Variants in PLD5 observed in about 807,000 individuals in gnomAD.
PLD5 encodes the protein phospholipase D family member 5.
In PLD5, 36 loss-of-function variants were observed where a neutral mutation model predicts 61.1. The ratio of observed to expected loss-of-function variants is 0.59; its 90% confidence interval spans 0.45 to 0.78. The LOEUF (loss-of-function observed/expected upper bound fraction) is 0.78, where lower values mean the gene tolerates loss of function less well. PLD5 is among the 30% of genes least tolerant of loss of function. PLD5 has a pLI of 0.00. For synonymous variants in PLD5, 243 were observed against 242.8 expected (o/e 1.00, Z -0.01); for missense variants, 515 against 644.4 (o/e 0.80, Z 2.17).
chr1:242,448,541 GC>G (rs1266958568), intron 1 of PLD5, among the ~76,000 whole-genome samples: 1 of 152,036 alleles, frequency 6.6e-6, no homozygotes, highest in Non-Finnish European at 1.5e-5. Flanking sequence ...ATGTTTAGTG[GC>G]CCCATTGTTG....
intron 1 of PLD5, among the ~76,000 whole-genome samples, chr1:242,419,151 C>T (rs887125085): frequency 5.3e-5 from 8 of 152,198 alleles, no homozygotes; most frequent in South Asian, 2.1e-4. Flanking sequence ...TAGACCCTCA[C>T]GCCTCCAGGC....
intron 1 of PLD5, among the ~76,000 whole-genome samples, chr1:242,516,586 C>T (rs1194739844): frequency 4.6e-5 from 7 of 152,118 alleles, no homozygotes; most frequent in Admixed American, 6.5e-5. Flanking sequence ...AAAAGATTAT[C>T]TCTTTCCCAC....
chr1:242,288,629 T>A (rs1312691027), intron 2 of PLD5, 99 bp from the exon 3 acceptor site: 1 of 1,446,748 alleles, frequency 6.9e-7, no homozygotes, highest in African/African-American at 1.4e-5. Flanking sequence ...AAAATATTCT[T>A]TACTCATTCT....
intron 6 of PLD5, among the ~76,000 whole-genome samples, chr1:242,117,712 G>C (rs756067069): frequency 6.6e-6 from 1 of 152,064 alleles, no homozygotes; most frequent in Non-Finnish European, 1.5e-5. Context: ...ATCAAAGGTT[G>C]CTTTTCCCAA....
intron 1 of PLD5, among the ~76,000 whole-genome samples, chr1:242,403,964 C>T (rs1424309505): frequency 6.6e-6 from 1 of 152,136 alleles, no homozygotes; most frequent in Non-Finnish European, 1.5e-5. Flanking sequence ...ATCTAGCATC[C>T]CCCACCTCAC....
chr1:242,351,881 T>C (rs1660497364), intron 1 of PLD5, among the ~76,000 whole-genome samples: 1 of 152,204 alleles, frequency 6.6e-6, no homozygotes, highest in Non-Finnish European at 1.5e-5. Flanking sequence ...GCAGAATAGA[T>C]TGTGTATTCG....
chr1:242,176,387 A>G (rs539180951), intron 5 of PLD5, among the ~76,000 whole-genome samples: 9 of 152,320 alleles, frequency 5.9e-5, no homozygotes, highest in African/African-American at 2.2e-4. Flanking sequence ...AGCCATATGC[A>G]GAAAACTGAC....
chr1:242,264,511 C>T (rs1322805606), intron 4 of PLD5, among the ~76,000 whole-genome samples: 2 of 152,100 alleles, frequency 1.3e-5, no homozygotes, highest in African/African-American at 4.8e-5. Flanking sequence ...GGAATTGCCA[C>T]TTAAAAATGT....
At chr1:242,297,397 T>C (rs1675736894) in intron 2 of PLD5, among the ~76,000 whole-genome samples, 1 of 90,796 alleles carries the variant, frequency 1.1e-5, no homozygotes. Flanking sequence ...CTATCACCCT[T>C]CAAGACTTTT....
intron 1 of PLD5, among the ~76,000 whole-genome samples, chr1:242,497,031 A>C (rs984416937): frequency 2.0e-5 from 3 of 152,212 alleles, no homozygotes; most frequent in Non-Finnish European, 4.4e-5. Flanking sequence ...CCAAGCAGAC[A>C]GTTGGAAGGG....
intron 4 of PLD5, among the ~76,000 whole-genome samples, chr1:242,257,081 T>TATCA (rs1553337416): frequency 6.6e-6 from 1 of 150,640 alleles, no homozygotes; most frequent in Non-Finnish European, 1.5e-5. Flanking sequence ...TCTATCTATC[T>TATCA]ATCATTTATC....
intron 1 of PLD5, among the ~76,000 whole-genome samples, chr1:242,462,099 G>C (rs4609411): frequency 0.45 from 68,106 of 151,926 alleles, 17,191 homozygotes; most frequent in African/African-American, 0.69. Flanking sequence ...GTCCATTTTT[G>C]TTTTTGTTGC....
chr1:242,095,151 G>T (rs1574282175), intron 9 of PLD5, among the ~76,000 whole-genome samples: 1 of 151,764 alleles, frequency 6.6e-6, no homozygotes, highest in African/African-American at 2.4e-5. Flanking sequence ...TTACCAGGAT[G>T]GTCTCTATCT....
chr1:242,092,246 C>G (rs1659891015), intron 9 of PLD5, among the ~76,000 whole-genome samples: 1 of 152,088 alleles, frequency 6.6e-6, no homozygotes, highest in Non-Finnish European at 1.5e-5. Context: ...CCCACCTCAG[C>G]CTCCTAAGTA....
intron 2 of PLD5, among the ~76,000 whole-genome samples, chr1:242,331,497 G>A (rs925184993): frequency 1.3e-5 from 2 of 149,888 alleles, no homozygotes; most frequent in African/African-American, 4.9e-5. Context: ...TCATGGAAAT[G>A]CCAAAAAATA....
rs71176734 is a variant in PLD5 at position 242,256,908 on chromosome 1, CATCTATCTATCTATCT to C, written c.607+8413_607+8428del. Among the ~76,000 whole-genome samples, 6,395 of 149,708 alleles carry C rather than the reference CATCTATCTATCTATCT, an allele frequency of 0.043. 317 individuals carry two copies. Among genetic ancestry groups the C allele is most frequent in the African/African-American group, 0.12 (4,877 of 40,636 alleles). ...TCCCTCTTCTTTCTCTTTCTTTTTT[CATCTATCTATCTATCT>C]ATCTATCTAATCTATCTCTACCTAC... On this transcript the variant is annotated intron_variant, in intron 4 of 9. Coordinates refer to ENST00000536534, the MANE Select transcript of PLD5 (RefSeq NM_001372062.1). This position sits in a 1 kb window ranked among gnomAD's most constrained non-coding sequence, Gnocchi z 5.7.
intron 1 of PLD5, among the ~76,000 whole-genome samples, chr1:242,363,454 TA>T (rs201808284): frequency 0.037 from 4,391 of 118,872 alleles, 171 homozygotes; most frequent in African/African-American, 0.11. Flanking sequence ...CCTGTCTCTT[TA>T]AAAAAAAAAA....
intron 8 of PLD5, among the ~76,000 whole-genome samples, chr1:242,102,331 A>C (rs891006198): frequency 6.6e-6 from 1 of 152,242 alleles, no homozygotes; most frequent in African/African-American, 2.4e-5. Flanking sequence ...CTAGAAAGTC[A>C]AAGACGGCCC....
chr1:242,423,349 A>T (rs1379509418), intron 1 of PLD5, among the ~76,000 whole-genome samples: 1 of 152,092 alleles, frequency 6.6e-6, no homozygotes, highest in African/African-American at 2.4e-5. Context: ...TGAAGCTGAG[A>T]TGGGGTACAT....
Sources: gnomAD v4.1 joint callset for allele counts (sites outside exome capture counted in the v4.1 genomes callset) on GRCh38, gnomAD v4.1.1 for gene constraint, Gnocchi (gnomAD v3.1) non-coding constraint, MANE v1.5 for transcripts, NCBI Gene and HGNC (gene_info 2026-07-23, HGNC 2026-07-21) for gene names.